DCC: variants seen among roughly 807,000 people sequenced by gnomAD.
The protein encoded by DCC is netrin receptor DCC.
A neutral mutation model predicts 172.5 loss-of-function variants in DCC; 58 were observed. That is an observed-to-expected ratio of 0.34 (90% CI 0.27 to 0.42). The LOEUF is 0.42. DCC is among the 10% of genes least tolerant of loss of function. The probability of loss-of-function intolerance (pLI) is 1.00; values close to 1 mark genes in which losing one functional copy is unlikely to be tolerated. For missense variants in DCC, 1,740 were observed against 1,791.0 expected, an observed-to-expected ratio of 0.97 and a Z score of 0.51; for synonymous variants, 709 against 644.5, an observed-to-expected ratio of 1.10 and a Z score of -1.52.
chr18:52,994,521 T>TA (rs2041448665), intron 5 of DCC, among the ~76,000 whole-genome samples: 3 of 152,198 alleles, frequency 2.0e-5, no homozygotes, highest in African/African-American at 7.2e-5. Flanking sequence ...ATTCTCATAC[T>TA]TCAGTGAGTC....
At chr18:53,299,485 C>A (rs183202967) in intron 12 of DCC, among the ~76,000 whole-genome samples, 1 of 152,164 alleles carries the variant, frequency 6.6e-6, no homozygotes, top group Non-Finnish European at 1.5e-5. Context: ...CATTCCCAAC[C>A]CCTCCGTGAA....
intron 24 of DCC, among the ~76,000 whole-genome samples, chr18:53,460,369 G>A (rs963191477): frequency 1.7e-4 from 24 of 142,232 alleles, no homozygotes; most frequent in Non-Finnish European, 2.9e-4. Context: ...CCATGCTGGT[G>A]CGCTGCACCC....
At chr18:52,517,767 A>G (rs573926379) in intron 1 of DCC, among the ~76,000 whole-genome samples, 1 of 152,236 alleles carries the variant, frequency 6.6e-6, no homozygotes, top group Admixed American at 6.5e-5. Flanking sequence ...ATTCTGTTCC[A>G]TGGAGAACCA....
At chr18:53,138,089 A>C (rs1391362045) in intron 7 of DCC, among the ~76,000 whole-genome samples, 1 of 152,004 alleles carries the variant, frequency 6.6e-6, no homozygotes, top group East Asian at 1.9e-4. Context: ...CAGCCTCCCA[A>C]AGTGCTGAGA....
intron 2 of DCC, among the ~76,000 whole-genome samples, chr18:52,776,323 A>C (rs995458624): frequency 6.6e-6 from 1 of 152,116 alleles, no homozygotes; most frequent in African/African-American, 2.4e-5. Flanking sequence ...CATTTAATTT[A>C]TTATATTTAT....
At chr18:53,041,141 T>C (rs1250588017) in intron 5 of DCC, among the ~76,000 whole-genome samples, 55 of 152,086 alleles carry the variant, frequency 3.6e-4, no homozygotes, top group Admixed American at 3.5e-3. Flanking sequence ...GTTTTTATTG[T>C]TTTAGGTCTT....
At chr18:53,036,964 G>A (rs111787788) in intron 5 of DCC, among the ~76,000 whole-genome samples, 2,041 of 152,080 alleles carry the variant, frequency 0.013, 33 homozygotes, top group African/African-American at 0.046. Flanking sequence ...AGGGACATGA[G>A]TATTTTTCAA....
intron 26 of DCC, among the ~76,000 whole-genome samples, chr18:53,495,151 G>A (rs1475233640): frequency 6.6e-6 from 1 of 152,130 alleles, no homozygotes; most frequent in Non-Finnish European, 1.5e-5. Flanking sequence ...CAGCACTTTG[G>A]GAGGCCAAGG....
chr18:52,611,421 A>G (rs987807873), intron 1 of DCC, among the ~76,000 whole-genome samples: 1 of 152,174 alleles, frequency 6.6e-6, no homozygotes, highest in Non-Finnish European at 1.5e-5. Context: ...GTACTCCGAG[A>G]GGCAGATGAA....
intron 5 of DCC, among the ~76,000 whole-genome samples, chr18:52,991,308 AC>A (rs554196506): frequency 6.1e-4 from 93 of 152,270 alleles, no homozygotes; most frequent in South Asian, 2.9e-3. Context: ...CAGTCTGCAA[AC>A]TTTTTAGAAG....
At chr18:53,047,149 CAT>C (rs1337038455) in intron 5 of DCC, among the ~76,000 whole-genome samples, 1 of 145,322 alleles carries the variant, frequency 6.9e-6, no homozygotes, top group Non-Finnish European at 1.5e-5. Flanking sequence ...ATTTATAACT[CAT>C]GTGCTGTTTA....
chr18:53,095,354 T>C (rs543109121), intron 7 of DCC, among the ~76,000 whole-genome samples: 3 of 152,192 alleles, frequency 2.0e-5, no homozygotes, highest in Non-Finnish European at 4.4e-5. Flanking sequence ...AGCAGTTGTC[T>C]TTGCTAATAG....
At chr18:53,259,812 A>G (rs1408662459) in intron 12 of DCC, among the ~76,000 whole-genome samples, 3 of 152,180 alleles carry the variant, frequency 2.0e-5, no homozygotes, top group East Asian at 1.9e-4. Context: ...ATGTTTTCCA[A>G]CTTGGTTCCA....
At chr18:52,352,100 C>T (rs1984150283) in intron 1 of DCC, among the ~76,000 whole-genome samples, 1 of 152,208 alleles carries the variant, frequency 6.6e-6, no homozygotes, top group South Asian at 2.1e-4. Context: ...ACAAAATCAA[C>T]CTCTGCTTCC....
At chr18:53,377,736 C>A (rs1177794269) in intron 15 of DCC, among the ~76,000 whole-genome samples, 1 of 152,184 alleles carries the variant, frequency 6.6e-6, no homozygotes, top group Non-Finnish European at 1.5e-5. Flanking sequence ...AGGCATCCAA[C>A]AAATGTTACT....
chr18:52,525,013 T>C, intron 1 of DCC, among the ~76,000 whole-genome samples: 1 of 152,156 alleles, frequency 6.6e-6, no homozygotes, highest in East Asian at 1.9e-4. Flanking sequence ...ATTTTGCTTC[T>C]TATCTTTAAA....
At chr18:52,852,186 AT>A (rs1377582980) in intron 2 of DCC, among the ~76,000 whole-genome samples, 13 of 152,144 alleles carry the variant, frequency 8.5e-5, no homozygotes, top group Non-Finnish European at 1.3e-4. Flanking sequence ...AAGAGAAGAA[AT>A]AAAAATCAAT....
intron 1 of DCC, among the ~76,000 whole-genome samples, chr18:52,578,232 GT>G (rs1480013921): frequency 6.6e-6 from 1 of 152,106 alleles, no homozygotes; most frequent in African/African-American, 2.4e-5. Flanking sequence ...AAACTGTATT[GT>G]TTTATGCTTA....
intron 2 of DCC, among the ~76,000 whole-genome samples, chr18:52,868,051 A>G (rs200872215): frequency 2.1e-3 from 204 of 98,854 alleles, no homozygotes; most frequent in African/African-American, 4.4e-3. Context: ...ATATATATAT[A>G]TATGTGTGTG....
Sources: allele counts gnomAD v4.1 joint callset (sites outside exome capture counted in the v4.1 genomes callset), GRCh38; gene constraint gnomAD v4.1.1; transcripts MANE v1.5; gene names NCBI Gene and HGNC (gene_info 2026-07-23, HGNC 2026-07-21).